ZNF44: variants seen among roughly 807,000 people sequenced by gnomAD.
ZNF44 encodes the protein zinc finger protein 44.
Under a neutral mutation model 11.7 loss-of-function variants are expected in ZNF44, and 9 were observed. The ratio of observed to expected loss-of-function variants is 0.77; its 90% CI spans 0.46 to 1.35. ZNF44 has a LOEUF of 1.35. Among genes scored for constraint, ZNF44 ranks in the 40% most tolerant of loss-of-function variants. The probability of loss-of-function intolerance (pLI) is 0.00; values close to 1 mark genes in which losing one functional copy is unlikely to be tolerated. For synonymous variants in ZNF44, 224 were observed against 242.7 expected, an observed-to-expected ratio of 0.92 and a Z score of 0.72; for missense variants, 696 against 743.1, an observed-to-expected ratio of 0.94 and a Z score of 0.74.
At position 12,273,462 on chromosome 19, in the gene ZNF44, A is replaced by C. The variant is rs1300265626; in HGVS notation, c.793T>G (p.Tyr265Asp). 1.2e-6 allele frequency: 2 copies of C among 1,613,890 alleles called. No individual in the cohort carries two copies. Among genetic ancestry groups the C allele is most frequent in the South Asian group, 1.1e-5 (1 of 91,068 alleles). Residue 265 changes from tyrosine to aspartate, a missense_variant, in exon 4 of 4, where the codon TAC (tyrosine) becomes GAC (aspartate). Physicochemically the swap from Tyr to Asp is radical, Grantham distance 160. Coordinates refer to ENST00000355684, the MANE Select transcript of ZNF44 (RefSeq NM_016264.4). ...CKQCSKAFPD[Y>D]SSYLRHERTH... ...CTTTCATGTCTTAGATATGAACTGT[A>C]ATCAGGGAAGGCTTTAGAACACTGC...
Position 12,273,248 on chromosome 19 carries a change from G to A in ZNF44, c.1007C>T (p.Pro336Leu), listed in dbSNP as rs747243993. 1 of 1,613,990 alleles carries A rather than the reference G, an allele frequency of 6.2e-7. No homozygotes were observed. Among genetic ancestry groups the A allele is most frequent in the South Asian group, 1.1e-5 (1 of 91,064 alleles). Residue 336 changes from proline to leucine, a missense_variant, in exon 4 of 4, where the codon CCT (proline) becomes CTT (leucine). Coordinates refer to ENST00000355684, the MANE Select transcript of ZNF44 (RefSeq NM_016264.4). ...TTTCCCACATATCTTACATTTATGA[G>A]GTCCATCTCCACTGTGCATTATCAT... ...RHMIMHSGDG[P>L]HKCKICGKGF...
intron 1 of ZNF44, among the ~76,000 whole-genome samples, chr19:12,283,543 A>G (rs979987007): frequency 6.6e-6 from 1 of 152,102 alleles, no homozygotes; most frequent in Non-Finnish European, 1.5e-5. Flanking sequence ...ATTAGCCAGG[A>G]TGGTCATGAT....
At chr19:12,275,911 C>T in intron 2 of ZNF44, 45 bp downstream of exon 2, 1 of 1,543,836 alleles carries the variant, frequency 6.5e-7, no homozygotes, top group South Asian at 1.2e-5. Context: ...GACCACAAAA[C>T]AAATGTCTCT....
chr19:12,268,261 A>G (rs1484652266), downstream of ZNF44, among the ~76,000 whole-genome samples: 2 of 151,678 alleles, frequency 1.3e-5, no homozygotes, highest in Non-Finnish European at 2.9e-5. Context: ...TCATCATTTT[A>G]GTGTTAATTT....
At position 12,272,318 on chromosome 19, in the gene ZNF44, G is replaced by T; in HGVS notation, c.*89C>A. The T allele has an allele frequency of 2.8e-6, 4 of 1,421,722 alleles. No individual in the cohort carries two copies. The highest frequency in any genetic ancestry group is 3.7e-6 in the Non-Finnish European group (4 of 1,089,810). The allele number at this position is 1,421,722 out of a possible 1,614,324, so 88.1% of individuals were successfully genotyped here. A position where few individuals can be genotyped will look rare whatever the true frequency, so the allele number is the denominator to read the frequency against. On this transcript the variant is annotated 3_prime_UTR_variant, in exon 4 of 4. Coordinates refer to ENST00000355684, the MANE Select transcript of ZNF44 (RefSeq NM_016264.4). ...GCGCCCAGCCTGGAAACTTCTTAAG[G>T]CTTTACCACGTTTACATTCACAGGA...
intron 5 of ZNF44, among the ~76,000 whole-genome samples, chr19:12,263,073 A>T (rs1291200268): frequency 1.3e-5 from 2 of 151,908 alleles, no homozygotes; most frequent in Non-Finnish European, 2.9e-5. Flanking sequence ...TGAACTCTCA[A>T]ATTCATCAAT....
At chr19:12,228,432 C>T (rs1043757644) in intron 3 of ZNF44, among the ~76,000 whole-genome samples, 2 of 152,162 alleles carry the variant, frequency 1.3e-5, no homozygotes, top group African/African-American at 4.8e-5. Context: ...GCATTTAATT[C>T]CGTGTGTCCT....
At chr19:12,274,906 T>G in intron 3 of ZNF44, 67 bp downstream of exon 3, 1 of 1,260,778 alleles carries the variant, frequency 7.9e-7, no homozygotes, top group Non-Finnish European at 1.1e-6. Flanking sequence ...TTGCTTCTTT[T>G]TAAAAGTTCT....
exon 8 of ZNF44, chr19:12,248,655 CAG>C (rs1443154327): frequency 4.5e-5 from 59 of 1,308,508 alleles, no homozygotes; most frequent in Non-Finnish European, 5.9e-5. Context: ...TTTACTTTCA[CAG>C]AGTCTCTCTA....
chr19:12,248,760 T>G (rs1330350011), intron 7 of ZNF44: 55 of 910,570 alleles, frequency 6.0e-5, no homozygotes, highest in Non-Finnish European at 7.8e-5. Context: ...AACTATTTTT[T>G]CCACTTTCAG....
At chr19:12,291,352 T>C (rs1967998806) in intron 1 of ZNF44, 2 of 409,308 alleles carry the variant, frequency 4.9e-6, no homozygotes, top group Admixed American at 6.2e-5. Flanking sequence ...GCAGCCAAAA[T>C]GGAAGAGTTT....
chr19:12,227,802 AAGAAAGCCAAACACCAT>A (rs1915983815), intron 3 of ZNF44, among the ~76,000 whole-genome samples: 1 of 152,218 alleles, frequency 6.6e-6, no homozygotes, highest in African/African-American at 2.4e-5. Flanking sequence ...ATATAGCCCA[AAGAAAGCCAAACACCAT>A]TTTGTATTTG....
chr19:12,251,286 G>C (rs559002216), intron 5 of ZNF44, among the ~76,000 whole-genome samples: 1 of 149,260 alleles, frequency 6.7e-6, no homozygotes, highest in South Asian at 2.1e-4. Context: ...AGCCAAGATC[G>C]CACATTGCAC....
Position 12,248,279 on chromosome 19 carries a change from A to G in ZNF44, c.*586T>C, listed in dbSNP as rs754576195. On this transcript the variant is annotated 3_prime_UTR_variant and NMD_transcript_variant, in exon 8 of 8. Coordinates refer to the ZNF44 transcript ENST00000393337. ...ATGCTTTTCCACATTCTTTACACTTAAAGGGTTTATCTCCAGTGTGAGTCC... is the reference window on the plus strand; with the variant it reads ...ATGCTTTTCCACATTCTTTACACTTGAAGGGTTTATCTCCAGTGTGAGTCC... 3 of 1,296,524 alleles carry G rather than the reference A, an allele frequency of 2.3e-6. No homozygotes were observed. In the East Asian group the frequency reaches 1.6e-4, roughly 71 times the overall value. The allele number at this position is 1,296,524 out of a possible 1,614,324, so 80.3% of individuals were successfully genotyped here. A position where few individuals can be genotyped will look rare whatever the true frequency, so the allele number is the denominator to read the frequency against.
downstream of ZNF44, among the ~76,000 whole-genome samples, chr19:12,271,452 T>C (rs953493023): frequency 4.6e-5 from 7 of 152,190 alleles, no homozygotes; most frequent in Admixed American, 2.0e-4. Context: ...TCTTCCAACA[T>C]AGATGAAGGT....
chr19:12,241,820 G>T (rs994395650), upstream of ZNF44, among the ~76,000 whole-genome samples: 1 of 152,216 alleles, frequency 6.6e-6, no homozygotes, highest in African/African-American at 2.4e-5. Flanking sequence ...GATAAACAAA[G>T]TGTGGTGTAT....
chr19:12,248,433 C>T (rs1916845393), exon 8 of ZNF44: 11 of 1,291,040 alleles, frequency 8.5e-6, no homozygotes, highest in Non-Finnish European at 1.1e-5. Context: ...GGGTTTCCCA[C>T]ATTTCTTACA....
At position 12,273,527 on chromosome 19, in the gene ZNF44, T is replaced by C. The variant is rs1394485608; in HGVS notation, c.728A>G (p.His243Arg). The change falls in exon 4 of 4, where the codon CAT becomes CGT. Residue 243 changes from histidine (H) to arginine (R), a missense_variant. By Grantham distance (29) the His-to-Arg change is conservative (BLOSUM62 0). Transcript: ENST00000355684. The part of the protein sequence containing the change: ...AFPVYSSYLR[H>R]EKIHTGEKPY... ...TTTCTCCCCAGTGTGTATTTTTTCA[T>C]GTCTTAGATAGGAACTGTAAACAGG... The C allele has an allele frequency of 1.2e-6, 2 of 1,614,018 alleles. No individual in the cohort carries two copies. Among genetic ancestry groups the C allele is most frequent in the Admixed American group, 3.3e-5 (2 of 59,994 alleles).
intron 1 of ZNF44, among the ~76,000 whole-genome samples, chr19:12,279,981 CAATT>C (rs1419016061): frequency 4.7e-5 from 7 of 148,984 alleles, no homozygotes; most frequent in Non-Finnish European, 8.9e-5. Flanking sequence ...TGTTAGGAAA[CAATT>C]AAATGAAGGC....
Sources: allele counts gnomAD v4.1 joint callset (sites outside exome capture counted in the v4.1 genomes callset), GRCh38; gene constraint gnomAD v4.1.1; transcripts MANE v1.5; gene names NCBI Gene and HGNC (gene_info 2026-07-23, HGNC 2026-07-21).